RGS6: variants seen among roughly 807,000 people sequenced by gnomAD.
The protein encoded by RGS6 is regulator of G protein signaling 6.
A neutral mutation model predicts 78.5 loss-of-function variants in RGS6; 30 were observed. The ratio of observed to expected loss-of-function variants is 0.38; its 90% CI spans 0.29 to 0.52. RGS6 has a LOEUF of 0.52. Ranked by LOEUF, RGS6 falls within the 20% of genes least tolerant of loss-of-function variation. RGS6 has a pLI of 0.85. For synonymous variants in RGS6, 206 were observed against 206.0 expected (o/e 1.00, Z 0.00); for missense variants, 495 against 609.7 (o/e 0.81, Z 1.98).
chr14:72,206,234 A>T (rs1260619250), intron 2 of RGS6, among the ~76,000 whole-genome samples: 1 of 152,112 alleles, frequency 6.6e-6, no homozygotes, highest in Non-Finnish European at 1.5e-5. Flanking sequence ...GGAGGCCAAG[A>T]TGGGAGGATC....
At chr14:72,242,338 G>A (rs1215318943) in intron 2 of RGS6, among the ~76,000 whole-genome samples, 2 of 152,146 alleles carry the variant, frequency 1.3e-5, no homozygotes. Context: ...TGCCTTTGAG[G>A]GGAGTTAATG....
chr14:72,348,095 G>A (rs1441151137), intron 2 of RGS6, among the ~76,000 whole-genome samples: 1 of 152,176 alleles, frequency 6.6e-6, no homozygotes, highest in Non-Finnish European at 1.5e-5. Flanking sequence ...CAGGCTCTGG[G>A]CCACTCACTG....
intron 2 of RGS6, among the ~76,000 whole-genome samples, chr14:72,130,083 C>G (rs547770503): frequency 6.6e-6 from 1 of 152,214 alleles, no homozygotes; most frequent in Non-Finnish European, 1.5e-5. Flanking sequence ...TTGGGAGAAC[C>G]CCCAGGTTTG....
intron 2 of RGS6, among the ~76,000 whole-genome samples, chr14:72,265,884 A>G (rs1260489260): frequency 3.6e-5 from 5 of 137,842 alleles, no homozygotes; most frequent in African/African-American, 1.3e-4. Flanking sequence ...TTCCCCAACA[A>G]TTTCAGCCTT....
At chr14:72,377,609 A>G (rs1457411299) in intron 3 of RGS6, among the ~76,000 whole-genome samples, 2 of 152,130 alleles carry the variant, frequency 1.3e-5, no homozygotes, top group African/African-American at 4.8e-5. Context: ...ATTTTTTTTC[A>G]TCAGCACGTG....
At chr14:72,387,131 A>G (rs954238620) in intron 3 of RGS6, among the ~76,000 whole-genome samples, 1 of 152,184 alleles carries the variant, frequency 6.6e-6, no homozygotes, top group Non-Finnish European at 1.5e-5. Flanking sequence ...TGTAATATAC[A>G]TATTAATACA....
At chr14:72,013,912 T>C (rs1397638024) in intron 2 of RGS6, among the ~76,000 whole-genome samples, 2 of 152,236 alleles carry the variant, frequency 1.3e-5, no homozygotes, top group African/African-American at 2.4e-5. Flanking sequence ...ATTCATGTGC[T>C]GTTCCCTTGT....
chr14:72,265,944 G>T (rs1302239148), intron 2 of RGS6, among the ~76,000 whole-genome samples: 5 of 146,284 alleles, frequency 3.4e-5, no homozygotes, highest in East Asian at 2.1e-4. Context: ...TTTTTGGGGG[G>T]GGGGGCGGGA....
chr14:71,957,063 G>A (rs909277269), intron 1 of RGS6, among the ~76,000 whole-genome samples: 3 of 152,186 alleles, frequency 2.0e-5, no homozygotes, highest in African/African-American at 7.2e-5. Context: ...AGTTTAGGAT[G>A]TGGCCATGTG....
At chr14:72,243,665 T>C (rs80192028) in intron 2 of RGS6, among the ~76,000 whole-genome samples, 3,232 of 152,292 alleles carry the variant, frequency 0.021, 60 homozygotes, top group African/African-American at 0.049. Context: ...GAAGGCAAAA[T>C]GCACTGCTCT....
chr14:72,230,413 A>G (rs2049251469), intron 2 of RGS6, among the ~76,000 whole-genome samples: 1 of 152,192 alleles, frequency 6.6e-6, no homozygotes, highest in African/African-American at 2.4e-5. Context: ...AAAGACAGGA[A>G]GGCAGGGTGG....
intron 2 of RGS6, among the ~76,000 whole-genome samples, chr14:72,214,506 T>C (rs960000859): frequency 1.3e-5 from 2 of 152,210 alleles, no homozygotes. Context: ...CAAAACGTGA[T>C]TGAGCTACAA....
chr14:72,421,894 C>G (rs2153107610), intron 3 of RGS6, among the ~76,000 whole-genome samples: 1 of 152,288 alleles, frequency 6.6e-6, no homozygotes, highest in East Asian at 1.9e-4. Flanking sequence ...AGGAATCATG[C>G]TCCCGGCTGA....
chr14:72,063,043 C>T (rs1194754967), intron 2 of RGS6, among the ~76,000 whole-genome samples: 3 of 152,060 alleles, frequency 2.0e-5, no homozygotes, highest in African/African-American at 2.4e-5. Context: ...AGGCTGATCC[C>T]GAACTTCTGG....
the RGS6 span, among the ~76,000 whole-genome samples, chr14:71,868,162 G>A: frequency 6.6e-6 from 1 of 152,176 alleles, no homozygotes; most frequent in African/African-American, 2.4e-5. Flanking sequence ...GGAGGGGTGT[G>A]TCAGGGAGAG....
intron 2 of RGS6, among the ~76,000 whole-genome samples, chr14:72,078,419 C>CTT (rs202172431): frequency 4.7e-5 from 7 of 148,264 alleles, no homozygotes; most frequent in African/African-American, 1.7e-4. Flanking sequence ...TTCTTTCTTT[C>CTT]TTTTTTTTTT....
At chr14:72,581,213 C>A in the RGS6 span, among the ~76,000 whole-genome samples, 2 of 152,134 alleles carry the variant, frequency 1.3e-5, no homozygotes, top group Non-Finnish European at 2.9e-5. Context: ...TCTTTAGAGG[C>A]TATAGGAAGA....
At chr14:72,327,399 C>T (rs530527570) in intron 2 of RGS6, among the ~76,000 whole-genome samples, 18 of 152,260 alleles carry the variant, frequency 1.2e-4, no homozygotes, top group Admixed American at 7.2e-4. Context: ...AAATGCCCTC[C>T]GCTTCTTTCC....
intron 2 of RGS6, among the ~76,000 whole-genome samples, chr14:72,342,166 G>A (rs112963152): frequency 2.8e-3 from 419 of 152,212 alleles, no homozygotes; most frequent in African/African-American, 9.4e-3. Context: ...TCCTTGGTAG[G>A]CTGGGTTAAA....
Sources: allele counts gnomAD v4.1 joint callset (sites outside exome capture counted in the v4.1 genomes callset), GRCh38; gene constraint gnomAD v4.1.1; transcripts MANE v1.5; gene names NCBI Gene and HGNC (gene_info 2026-07-23, HGNC 2026-07-21).